The following ELP4 variants were observed in gnomAD, a reference collection of about 807,000 sequenced individuals.
ELP4 encodes elongator complex protein 4.
A neutral mutation model predicts 48.9 loss-of-function variants in ELP4; 51 were observed. The observed-to-expected ratio is 1.04, with a 90% CI of 0.83 to 1.32. The LOEUF (loss-of-function observed/expected upper bound fraction) is 1.32. Ranked by LOEUF, ELP4 falls within the 40% of genes most tolerant of loss-of-function variation. ELP4 has a pLI of 0.00. For missense variants in ELP4, 519 were observed against 514.6 expected (o/e 1.01, Z -0.08); for synonymous variants, 210 against 189.2 (o/e 1.11, Z -0.90).
intron 2 of ELP4, among the ~76,000 whole-genome samples, chr11:31,532,928 C>T (rs1166465771): frequency 2.0e-5 from 3 of 151,580 alleles, no homozygotes; most frequent in Middle Eastern, 3.2e-3. Flanking sequence ...TGCACCACCA[C>T]GCCTGGCTAA....
At chr11:31,612,072 T>C (rs1957990744) in intron 5 of ELP4, among the ~76,000 whole-genome samples, 1 of 152,082 alleles carries the variant, frequency 6.6e-6, no homozygotes, top group African/African-American at 2.4e-5. Context: ...GCTGAAATAG[T>C]GTGAGCGATG....
chr11:31,715,171 G>A lies in ELP4; in HGVS notation c.1143+64950G>A, dbSNP rs148978649. 5.1e-3 allele frequency: 877 copies of A among 171,556 alleles called. 11 individuals are homozygous for A. Among genetic ancestry groups the A allele is most frequent in the African/African-American group, 0.02 (843 of 42,454 alleles). 10.6% of individuals were successfully genotyped at this position (171,556 alleles called of 1,614,324 possible). A position where few individuals can be genotyped will look rare whatever the true frequency, so the allele number is the denominator to read the frequency against. On this transcript the variant is annotated intron_variant, in intron 9 of 9. Coordinates refer to ENST00000640961, the MANE Select transcript of ELP4 (RefSeq NM_019040.5). ...TTAGCTGAATTTGAGAAAAAGAAGA[G>A]AAATTAGACTAAATGCTGTAAATTA...
intron 3 of ELP4, among the ~76,000 whole-genome samples, chr11:31,552,351 T>C (rs183770191): frequency 8.7e-4 from 133 of 152,280 alleles, no homozygotes; most frequent in Non-Finnish European, 1.5e-3. Context: ...TATAATCTAC[T>C]TGGACCTATC....
intron 9 of ELP4, among the ~76,000 whole-genome samples, chr11:31,657,058 A>G (rs188650355): frequency 6.6e-6 from 1 of 152,078 alleles, no homozygotes; most frequent in Admixed American, 6.6e-5. Flanking sequence ...TCAAGTTCCT[A>G]GAAAGTAAGA....
intron 9 of ELP4, among the ~76,000 whole-genome samples, chr11:31,687,437 A>G (rs1211509220): frequency 6.6e-6 from 1 of 152,228 alleles, no homozygotes; most frequent in Non-Finnish European, 1.5e-5. Context: ...ATTGAGCAAT[A>G]AATAGAAACA....
At chr11:31,575,634 T>C (rs1215907847) in intron 3 of ELP4, among the ~76,000 whole-genome samples, 5 of 152,198 alleles carry the variant, frequency 3.3e-5, no homozygotes, top group Non-Finnish European at 5.9e-5. Flanking sequence ...GGGGCCAATA[T>C]TCAACATTCT....
chr11:31,709,772 T>C (rs1946702983), intron 9 of ELP4, among the ~76,000 whole-genome samples: 1 of 152,224 alleles, frequency 6.6e-6, no homozygotes, highest in African/African-American at 2.4e-5. Context: ...ACTCAATGTA[T>C]GTTAGCCAAA....
intron 9 of ELP4, among the ~76,000 whole-genome samples, chr11:31,776,152 C>CAA (rs371572032): frequency 0.04 from 1,987 of 49,236 alleles, 52 homozygotes; most frequent in East Asian, 0.051. Flanking sequence ...CCCTATCTCA[C>CAA]AAAAAAAAAA....
intron 9 of ELP4, among the ~76,000 whole-genome samples, chr11:31,743,352 A>G: frequency 6.6e-6 from 1 of 152,188 alleles, no homozygotes; most frequent in Non-Finnish European, 1.5e-5. Context: ...ACAGAAAGTT[A>G]ACAAGGATAC....
At chr11:31,596,358 C>T (rs1366297019) in intron 4 of ELP4, among the ~76,000 whole-genome samples, 1 of 152,146 alleles carries the variant, frequency 6.6e-6, no homozygotes, top group African/African-American at 2.4e-5. Flanking sequence ...GAGCTGAGAT[C>T]GTGCCACTGC....
At chr11:31,574,864 A>C (rs1365017238) in intron 3 of ELP4, among the ~76,000 whole-genome samples, 2 of 152,216 alleles carry the variant, frequency 1.3e-5, no homozygotes, top group Non-Finnish European at 1.5e-5. Context: ...AATCCTAAAA[A>C]TCAGAGCACC....
intron 9 of ELP4, among the ~76,000 whole-genome samples, chr11:31,674,976 A>G (rs944778607): frequency 3.9e-5 from 6 of 152,060 alleles, no homozygotes; most frequent in Non-Finnish European, 8.8e-5. Context: ...AAGTGTGCGC[A>G]TGTTTGTACA....
At chr11:31,697,509 A>T (rs1946435418) in intron 9 of ELP4, among the ~76,000 whole-genome samples, 2 of 152,118 alleles carry the variant, frequency 1.3e-5, no homozygotes, top group Non-Finnish European at 2.9e-5. Flanking sequence ...AAATTGAAAA[A>T]CGGGCCACCT....
chr11:31,671,416 T>G (rs933969352), intron 9 of ELP4, among the ~76,000 whole-genome samples: 4 of 152,234 alleles, frequency 2.6e-5, no homozygotes, highest in African/African-American at 9.6e-5. Flanking sequence ...TATTTCATAT[T>G]ACTTAAACCA....
intron 7 of ELP4, among the ~76,000 whole-genome samples, chr11:31,644,435 T>C (rs1945161458): frequency 1.3e-5 from 2 of 151,808 alleles, no homozygotes; most frequent in African/African-American, 4.8e-5. Flanking sequence ...TTTTACATCT[T>C]GGTGAATAAC....
Position 31,731,567 on chromosome 11 carries a change from GGT to G in ELP4, c.1144-51793_1144-51792del, listed in dbSNP as rs148076836. Among the ~76,000 whole-genome samples, 806 of 142,850 alleles carry G rather than the reference GGT, an allele frequency of 5.6e-3. 6 individuals are homozygous for G. The highest frequency in any genetic ancestry group is 0.017 in the African/African-American group (655 of 37,448). The allele number at this position is 142,850 out of a possible 152,430, so 93.7% of individuals were successfully genotyped here. ...GGGACTTATGGTACACCATTAAGCA[GGT>G]GTGTGTGTGTGTGTGTGTGTGTGTG... On this transcript the variant is annotated intron_variant, in intron 9 of 9. Transcript: ENST00000640961.
At chr11:31,531,875 G>A (rs986546523) in intron 2 of ELP4, among the ~76,000 whole-genome samples, 1 of 152,138 alleles carries the variant, frequency 6.6e-6, no homozygotes, top group Non-Finnish European at 1.5e-5. Context: ...CTGATAGTGA[G>A]AGGTAAGGAT....
chr11:31,747,861 C>T (rs1422980948), intron 9 of ELP4, among the ~76,000 whole-genome samples: 2 of 152,194 alleles, frequency 1.3e-5, no homozygotes, highest in Non-Finnish European at 2.9e-5. Context: ...TGCAAGCAAC[C>T]TAGCAGACAG....
chr11:31,614,635 T>C lies in ELP4; in HGVS notation c.653+10728T>C, dbSNP rs148765198. 2.0e-5 allele frequency among the ~76,000 whole-genome samples: 3 copies of C among 152,326 alleles called. No individual in the cohort carries two copies. The East Asian group carries it at 5.8e-4, about 29-fold the overall frequency. On this transcript the variant is annotated intron_variant, in intron 5 of 9. Coordinates refer to ENST00000640961, the MANE Select transcript of ELP4 (RefSeq NM_019040.5). The stretch of plus-strand genomic sequence containing the variant: ...AGTGGAGAAGACTAGAAGAATTGCC[T>C]TAATCAAGTTAACATCACCAGTAGT...
Sources: gnomAD v4.1 joint callset for allele counts (sites outside exome capture counted in the v4.1 genomes callset) on GRCh38, gnomAD v4.1.1 for gene constraint, MANE v1.5 for transcripts, NCBI Gene and HGNC (gene_info 2026-07-23, HGNC 2026-07-21) for gene names.